The following BOK variants were observed in gnomAD, a reference collection of about 807,000 sequenced individuals.
BOK encodes the protein BCL2 family apoptosis regulator BOK.
A neutral mutation model predicts 18.3 loss-of-function variants in BOK; 20 were observed. That is an observed-to-expected ratio of 1.09 (90% CI 0.77 to 1.59). BOK has a LOEUF of 1.59. BOK is among the 40% of genes most tolerant of loss of function. The pLI, the probability that BOK is intolerant of heterozygous loss-of-function variation, is 0.00. For synonymous variants in BOK, 173 were observed against 142.4 expected, an observed-to-expected ratio of 1.21 and a Z score of -1.53; for missense variants, 348 against 307.9, an observed-to-expected ratio of 1.13 and a Z score of -0.97.
Position 241,570,130 on chromosome 2 carries a change from AC to A in BOK, c.356del (p.Thr119SerfsTer20). ...GACCATCTCTCTCCCTGCAGGCATC[AC>A]GTGGGGCAAGGTGGTGTCCCTGTAT... ...VAGHIFSAGI[T>X]WGKVVSLYAV... On this transcript the variant is annotated frameshift_variant, in exon 4 of 5. Transcript: ENST00000318407. LOFTEE classifies it high-confidence loss of function. The A allele has an allele frequency of 6.2e-7, 1 of 1,611,126 alleles. No individual in the cohort carries two copies. The highest frequency in any genetic ancestry group is 8.5e-7 in the Non-Finnish European group (1 of 1,179,192).
chr2:241,556,499 G>A (rs913593043), upstream of BOK, among the ~76,000 whole-genome samples: 38 of 123,292 alleles, frequency 3.1e-4, no homozygotes, highest in Non-Finnish European at 1.9e-4. Flanking sequence ...CAGGAGAATC[G>A]CTGGAGCCCA....
chr2:241,559,726 C>A (rs758288410), intron 2 of BOK, 23 bp downstream of exon 2: 120 of 1,288,264 alleles, frequency 9.3e-5, no homozygotes, highest in Admixed American at 2.1e-4. Flanking sequence ...TGGTGGGATC[C>A]CCAGCTGCGC....
At chr2:241,558,054 G>GACACACAC (rs60885185), upstream of BOK, among the ~76,000 whole-genome samples, 10,382 of 143,308 alleles carry the variant, frequency 0.072, 546 homozygotes, top group East Asian at 0.16. Context: ...AGAGTTCCGA[G>GACACACAC]ACACACACAC....
rs569130568 is a variant in BOK at position 241,558,751 on chromosome 2, C to G, written c.-272C>G. ...GCCAAGCCCCAAGCCCAGCCTCTCG[C>G]CAGCTGGGAGTCGCGCGCTGCCCAC... On this transcript the variant is annotated 5_prime_UTR_variant, in exon 1 of 5. Coordinates refer to ENST00000318407, the MANE Select transcript of BOK (RefSeq NM_032515.5). The G allele has an allele frequency of 6.6e-6, 1 of 152,432 alleles. No individual in the cohort carries two copies. The highest frequency in any genetic ancestry group is 1.5e-5 in the Non-Finnish European group (1 of 68,088). The allele number at this position is 152,432 out of a possible 1,614,324, so 9.4% of individuals were successfully genotyped here. A position where few individuals can be genotyped will look rare whatever the true frequency, so the allele number is the denominator to read the frequency against.
At chr2:241,565,685 G>A (rs942440314) in intron 3 of BOK, among the ~76,000 whole-genome samples, 8 of 152,160 alleles carry the variant, frequency 5.3e-5, no homozygotes, top group African/African-American at 1.9e-4. Flanking sequence ...TGGGGCCTTG[G>A]CTAGTGTTGT....
intron 3 of BOK, among the ~76,000 whole-genome samples, chr2:241,565,958 A>G (rs1409083002): frequency 1.3e-5 from 2 of 152,164 alleles, no homozygotes; most frequent in Admixed American, 1.3e-4. Flanking sequence ...ATGTAATTTT[A>G]TATAATTCTT....
intron 3 of BOK, among the ~76,000 whole-genome samples, chr2:241,566,296 TTTTTTC>T (rs1347386051): frequency 1.9e-3 from 164 of 84,188 alleles, no homozygotes; most frequent in African/African-American, 6.2e-3. Flanking sequence ...CTTTTTTTTC[TTTTTTC>T]TTTTTTTTTT....
chr2:241,572,556 T>G lies in BOK; in HGVS notation c.*134T>G. 1 of 1,357,218 alleles carries G rather than the reference T, an allele frequency of 7.4e-7. No individual in the cohort carries two copies. The highest frequency in any genetic ancestry group is 9.9e-7 in the Non-Finnish European group (1 of 1,010,970). The allele number at this position is 1,357,218 out of a possible 1,614,324, so 84.1% of individuals were successfully genotyped here. The stretch of plus-strand genomic sequence containing the variant: ...CCCTCGGAGACCCCCTAAGCCCCGT[T>G]CCTCCGCAGACCCAGGCCCTCCGGA... On this transcript the variant is annotated 3_prime_UTR_variant, in exon 5 of 5. Coordinates refer to ENST00000318407, the MANE Select transcript of BOK (RefSeq NM_032515.5).
At chr2:241,554,506 C>G (rs2066436886), upstream of BOK, among the ~76,000 whole-genome samples, 1 of 152,232 alleles carries the variant, frequency 6.6e-6, no homozygotes, top group Non-Finnish European at 1.5e-5. Context: ...TCCACACCAT[C>G]CAGGGCCAGG....
chr2:241,552,203 C>T (rs1209391798), intron 1 of BOK, among the ~76,000 whole-genome samples: 3 of 152,164 alleles, frequency 2.0e-5, no homozygotes, highest in Admixed American at 1.3e-4. Flanking sequence ...TCCCTCCATG[C>T]AGCCTGGGTC....
intron 3 of BOK, among the ~76,000 whole-genome samples, chr2:241,568,308 G>A (rs766698656): frequency 7.9e-5 from 12 of 151,958 alleles, no homozygotes; most frequent in Admixed American, 1.3e-4. Context: ...TTTTAGTAGA[G>A]ATGGGGTTTC....
In BOK at chr2:241,570,297, C is replaced by A; in HGVS notation, c.513+9C>A. 2.6e-6 allele frequency: 4 copies of A among 1,548,380 alleles called. No individual in the cohort carries two copies. Among genetic ancestry groups the A allele is most frequent in the Non-Finnish European group, 3.5e-6 (4 of 1,147,466 alleles). On this transcript the variant is annotated intron_variant, in intron 4 of 4. Transcript: ENST00000318407. ...GGAGACGCGGCGGATGGGTGAGCGC[C>A]TGAGTGCCCGTGTGGGTGGGAGAGC... is the stretch of plus-strand genomic sequence containing the variant.
At chr2:241,551,813 C>T (rs1024988939) in intron 1 of BOK, among the ~76,000 whole-genome samples, 3 of 152,250 alleles carry the variant, frequency 2.0e-5, no homozygotes, top group Admixed American at 1.3e-4. Flanking sequence ...AAGGTTCGAC[C>T]GCAGCGAGGG....
At chr2:241,569,272 T>C (rs993119349) in intron 3 of BOK, among the ~76,000 whole-genome samples, 2 of 151,976 alleles carry the variant, frequency 1.3e-5, no homozygotes, top group African/African-American at 4.8e-5. Context: ...GCTGGGATTA[T>C]AGGCGCGTGC....
intron 1 of BOK, among the ~76,000 whole-genome samples, chr2:241,553,644 T>G (rs996581986): frequency 3.9e-5 from 6 of 152,028 alleles, no homozygotes; most frequent in African/African-American, 2.4e-5. Flanking sequence ...AAGAGGCAGA[T>G]CTCGTGAGAA....
At chr2:241,553,661 C>A (rs1022879662) in intron 1 of BOK, among the ~76,000 whole-genome samples, 2 of 152,134 alleles carry the variant, frequency 1.3e-5, no homozygotes, top group African/African-American at 2.4e-5. Flanking sequence ...AGAACTCACT[C>A]ACTATCACGA....
upstream of BOK, among the ~76,000 whole-genome samples, chr2:241,555,331 T>A (rs536570137): frequency 2.6e-5 from 4 of 151,670 alleles, no homozygotes; most frequent in Non-Finnish European, 5.9e-5. Flanking sequence ...GGACTACTAG[T>A]GCGGTGTCAC....
In BOK at chr2:241,553,148, GTTAT is replaced by G. The variant is rs534834722; in HGVS notation, n.54+1685_54+1688del. ...GCATCCCCAGTGTACCTGAGACTGG[GTTAT>G]TTATTTATTTATTCTGAGATGGAGT... On this transcript the variant is annotated intron_variant and non_coding_transcript_variant, in intron 1 of 1. Transcript: ENST00000641230. 6.0e-4 allele frequency among the ~76,000 whole-genome samples: 92 copies of G among 152,074 alleles called. No individual in the cohort carries two copies. In the South Asian group the frequency reaches 0.01, roughly 17 times the overall value.
intron 3 of BOK, among the ~76,000 whole-genome samples, chr2:241,563,848 C>T (rs1324960054): frequency 6.6e-6 from 1 of 151,988 alleles, no homozygotes; most frequent in Non-Finnish European, 1.5e-5. Context: ...GGCCTCGGGA[C>T]CTCCACCCAC....
Sources: gnomAD v4.1 joint callset for allele counts (sites outside exome capture counted in the v4.1 genomes callset) on GRCh38, gnomAD v4.1.1 for gene constraint, MANE v1.5 for transcripts, NCBI Gene and HGNC (gene_info 2026-07-23, HGNC 2026-07-21) for gene names.